The following MARK3 variants were observed in gnomAD, a reference collection of about 807,000 sequenced individuals.
The protein encoded by MARK3 is microtubule affinity regulating kinase 3, also known as MAP/microtubule affinity-regulating kinase 3.
MARK3 carries 46 observed loss-of-function variants against 90.1 expected under a neutral mutation model. The observed-to-expected ratio is 0.51, with a 90% confidence interval of 0.40 to 0.65. MARK3 has a LOEUF of 0.65. MARK3 is among the 30% of genes least tolerant of loss of function. The pLI is 0.00. For synonymous variants in MARK3, 321 were observed against 332.6 expected (o/e 0.97, Z 0.38); for missense variants, 818 against 947.2 (o/e 0.86, Z 1.79).
rs1399177104 is a variant in MARK3 at position 103,410,185 on chromosome 14, T to C, written c.243+4918T>C. ...TTATAAAGATAAGAAATTTATTTCT[T>C]ACAATTGTGGAGGCTGGGAAGTCCA... is the stretch of plus-strand genomic sequence containing the variant. On this transcript the variant is annotated intron_variant, in intron 2 of 17. Coordinates refer to ENST00000429436, the MANE Select transcript of MARK3 (RefSeq NM_001128918.3). Among the ~76,000 whole-genome samples the C allele has an allele frequency of 2.0e-5, 3 of 152,194 alleles. No individual in the cohort carries two copies. In the East Asian group the frequency reaches 5.8e-4, roughly 29 times the overall value.
intron 1 of MARK3, among the ~76,000 whole-genome samples, chr14:103,402,275 G>C (rs766962119): frequency 6.6e-6 from 1 of 152,104 alleles, no homozygotes; most frequent in Non-Finnish European, 1.5e-5. Flanking sequence ...TTTCCTGGCC[G>C]AGCGCGGTGG....
chr14:103,438,034 C>G (rs1458827526), intron 3 of MARK3, among the ~76,000 whole-genome samples: 3 of 152,066 alleles, frequency 2.0e-5, no homozygotes, highest in African/African-American at 7.2e-5. Flanking sequence ...GAGTTTTGCT[C>G]TTGTTGCCCA....
At chr14:103,435,227 T>C (rs2092685494) in intron 3 of MARK3, among the ~76,000 whole-genome samples, 1 of 152,162 alleles carries the variant, frequency 6.6e-6, no homozygotes, top group African/African-American at 2.4e-5. Context: ...ATTAGAAACA[T>C]TTGTGGAGTT....
At chr14:103,399,140 T>A (rs12588705) in intron 1 of MARK3, among the ~76,000 whole-genome samples, 43,088 of 152,142 alleles carry the variant, frequency 0.28, 7,275 homozygotes, top group Non-Finnish European at 0.36. Flanking sequence ...AAAAATTTTT[T>A]ACGGACTTCC....
chr14:103,405,610 G>T (rs2091236728), intron 2 of MARK3, among the ~76,000 whole-genome samples: 2 of 152,026 alleles, frequency 1.3e-5, no homozygotes, highest in African/African-American at 4.8e-5. Flanking sequence ...CAAAGTGCTG[G>T]GATTACAGGC....
intron 3 of MARK3, among the ~76,000 whole-genome samples, chr14:103,432,329 A>G (rs1037853110): frequency 1.3e-5 from 2 of 152,220 alleles, no homozygotes; most frequent in Non-Finnish European, 2.9e-5. Context: ...TTAAACACAA[A>G]TATATGCAAA....
intron 4 of MARK3, among the ~76,000 whole-genome samples, chr14:103,450,179 TG>T (rs554443859): frequency 6.8e-4 from 104 of 152,234 alleles, no homozygotes; most frequent in African/African-American, 2.4e-3. Flanking sequence ...TCAATAAGTA[TG>T]GTTGAAGAAA....
rs551374344 is a variant in MARK3, at chr14:103,385,941, C to T, written c.-89C>T. On this transcript the variant is annotated 5_prime_UTR_variant, in exon 1 of 18. Coordinates refer to ENST00000429436, the MANE Select transcript of MARK3 (RefSeq NM_001128918.3). ...CCCCACGGCGCCTTTTCGGAACTGC[C>T]GTGGACTCGAGGACGCTGGTCGCCG... is the stretch of plus-strand genomic sequence containing the variant. 21 of 1,082,236 alleles carry T rather than the reference C, an allele frequency of 1.9e-5. No individual in the cohort carries two copies. Among genetic ancestry groups the T allele is most frequent in the Middle Eastern group, 2.1e-4 (1 of 4,742 alleles). The allele number at this position is 1,082,236 out of a possible 1,614,324, so 67.0% of individuals were successfully genotyped here. A position where few individuals can be genotyped will look rare whatever the true frequency, so the allele number is the denominator to read the frequency against.
intron 2 of MARK3, among the ~76,000 whole-genome samples, chr14:103,426,607 C>T (rs1402618324): frequency 6.6e-6 from 1 of 152,180 alleles, no homozygotes; most frequent in Non-Finnish European, 1.5e-5. Context: ...CAAAGCCTCT[C>T]TCCACTTTTC....
At chr14:103,420,876 G>A (rs1260834328) in intron 2 of MARK3, among the ~76,000 whole-genome samples, 1 of 151,980 alleles carries the variant, frequency 6.6e-6, no homozygotes, top group Admixed American at 6.6e-5. Context: ...GTAAACCAGT[G>A]TCTTTTTTGT....
chr14:103,486,520 A>T (rs180935892), intron 14 of MARK3, among the ~76,000 whole-genome samples: 1 of 152,340 alleles, frequency 6.6e-6, no homozygotes, highest in East Asian at 1.9e-4. Flanking sequence ...TAATTATTAA[A>T]AAAATGTAAT....
At chr14:103,439,333 C>T (rs1014725719) in intron 3 of MARK3, among the ~76,000 whole-genome samples, 2 of 152,070 alleles carry the variant, frequency 1.3e-5, no homozygotes, top group Non-Finnish European at 2.9e-5. Flanking sequence ...TTGCTTTGTC[C>T]GTGTAATTTT....
chr14:103,455,327 C>T (rs1045915066), intron 5 of MARK3, among the ~76,000 whole-genome samples: 3 of 152,168 alleles, frequency 2.0e-5, no homozygotes, highest in Non-Finnish European at 4.4e-5. Flanking sequence ...AGGTCATTCG[C>T]ATAGAAAATG....
chr14:103,414,569 C>T (rs1243124275), intron 2 of MARK3, among the ~76,000 whole-genome samples: 2 of 152,156 alleles, frequency 1.3e-5, no homozygotes, highest in Non-Finnish European at 2.9e-5. Context: ...GTGATGGGAA[C>T]GTGATGTATC....
rs549551435 is a variant in MARK3 at position 103,480,274 on chromosome 14, C to CA, written c.1483-107dup. 57 of 698,874 alleles carry CA rather than the reference C, an allele frequency of 8.2e-5. No individual in the cohort carries two copies. The South Asian group carries it at 1.0e-3, about 13-fold the overall frequency. 43.3% of individuals were successfully genotyped at this position (698,874 alleles called of 1,614,324 possible). ...TGGGTGACAGAGTAAGACCTTGCCT[C>CA]AAAAAACAAGTAAATAAAAGACTGA... On this transcript the variant is annotated intron_variant, in intron 13 of 17. Transcript: ENST00000429436.
intron 2 of MARK3, among the ~76,000 whole-genome samples, chr14:103,410,130 G>A (rs1242288089): frequency 6.6e-6 from 1 of 152,176 alleles, no homozygotes; most frequent in Admixed American, 6.5e-5. Flanking sequence ...TGTTTTTGCT[G>A]CTGTAACACA....
intron 3 of MARK3, among the ~76,000 whole-genome samples, chr14:103,443,065 AG>A (rs1446591565): frequency 6.6e-6 from 1 of 152,164 alleles, no homozygotes; most frequent in Non-Finnish European, 1.5e-5. Context: ...CAGATACTGA[AG>A]AATTTAAATT....
chr14:103,439,203 A>G (rs987497553), intron 3 of MARK3, among the ~76,000 whole-genome samples: 4 of 152,184 alleles, frequency 2.6e-5, no homozygotes, highest in Admixed American at 2.6e-4. Context: ...GCTTCAAGAA[A>G]TAGATCTTCA....
At chr14:103,477,289 C>T (rs1479749405) in intron 13 of MARK3, among the ~76,000 whole-genome samples, 5 of 152,048 alleles carry the variant, frequency 3.3e-5, no homozygotes, top group African/African-American at 9.7e-5. Context: ...GTCAGGAGTT[C>T]AAGAACAGCC....
Sources: gnomAD v4.1 joint callset for allele counts (sites outside exome capture counted in the v4.1 genomes callset) on GRCh38, gnomAD v4.1.1 for gene constraint, MANE v1.5 for transcripts, NCBI Gene and HGNC (gene_info 2026-07-23, HGNC 2026-07-21) for gene names.